The following FAM227A variants were observed in gnomAD, a reference collection of about 807,000 sequenced individuals.
The protein encoded by FAM227A is family with sequence similarity 227 member A.
Under a neutral mutation model 74.7 loss-of-function variants are expected in FAM227A, and 80 were observed. The ratio of observed to expected loss-of-function variants is 1.07; its 90% CI spans 0.89 to 1.29. The LOEUF is 1.29. FAM227A is among the 50% of genes most tolerant of loss of function. The probability of loss-of-function intolerance (pLI) is 0.00; values close to 1 mark genes in which losing one functional copy is unlikely to be tolerated. For missense variants in FAM227A, 654 were observed against 683.4 expected (o/e 0.96, Z 0.48); for synonymous variants, 237 against 241.8 (o/e 0.98, Z 0.19).
At chr22:38,619,837 G>T (rs1436870781) in intron 11 of FAM227A, among the ~76,000 whole-genome samples, 2 of 152,092 alleles carry the variant, frequency 1.3e-5, no homozygotes. Context: ...TACATCAGAA[G>T]GAACATCAAT....
intron 16 of FAM227A, among the ~76,000 whole-genome samples, chr22:38,589,512 T>G (rs1174693900): frequency 1.3e-5 from 2 of 151,932 alleles, no homozygotes; most frequent in African/African-American, 4.8e-5. Flanking sequence ...ACAAGCAAAA[T>G]TCTCAGAATT....
rs1244171393 is a variant in FAM227A at position 38,580,391 on chromosome 22, C to T, written c.*5734G>A. On this transcript the variant is annotated 3_prime_UTR_variant, in exon 17 of 17. Coordinates refer to ENST00000535113, the MANE Select transcript of FAM227A (RefSeq NM_001013647.2). ...TACCATTTGCCATGATGTCCCCATC[C>T]TCTGTATTTCCTGTTATGGTGGTTG... The T allele has an allele frequency of 6.6e-6, 1 of 152,164 alleles. No individual in the cohort carries two copies. Among genetic ancestry groups the T allele is most frequent in the Non-Finnish European group, 1.5e-5 (1 of 68,024 alleles). The allele number at this position is 152,164 out of a possible 1,614,324, so 9.4% of individuals were successfully genotyped here.
At chr22:38,649,952 C>G (rs1359918298) in intron 2 of FAM227A, 75 bp downstream of exon 2, 1 of 1,353,758 alleles carries the variant, frequency 7.4e-7, no homozygotes, top group African/African-American at 1.4e-5. Context: ...GACCTGAGCA[C>G]TGATTAGATC....
chr22:38,631,636 C>T (rs536714287), intron 6 of FAM227A, among the ~76,000 whole-genome samples: 2 of 152,228 alleles, frequency 1.3e-5, no homozygotes, highest in South Asian at 4.2e-4. Flanking sequence ...GCACTTGACA[C>T]ATGTGGGGTA....
At chr22:38,586,438 C>T (rs755351835) in intron 16 of FAM227A, among the ~76,000 whole-genome samples, 13 of 152,016 alleles carry the variant, frequency 8.6e-5, no homozygotes, top group African/African-American at 2.4e-4. Context: ...ACTGCTGTGT[C>T]GGATCTGAAC....
intron 13 of FAM227A, among the ~76,000 whole-genome samples, chr22:38,604,280 C>T (rs751997794): frequency 4.6e-5 from 7 of 151,988 alleles, no homozygotes; most frequent in Non-Finnish European, 1.0e-4. Context: ...TGAGCTGAGA[C>T]GGCACCACTG....
rs527355096 is a variant in FAM227A at position 38,646,683 on chromosome 22, C to G, written c.143-1038G>C. ...TTTTTTTTTTTGAGATGGAGTCTCA[C>G]TCGCCCGGCCACTCTTCCATTCATT... On this transcript the variant is annotated intron_variant, in intron 2 of 16. Transcript: ENST00000535113. Among the ~76,000 whole-genome samples, 9 of 151,546 alleles carry G rather than the reference C, an allele frequency of 5.9e-5. No homozygotes were observed. The East Asian group carries it at 7.8e-4, about 13-fold the overall frequency.
In FAM227A at chr22:38,650,192, A is replaced by G. The variant is rs1315713436; in HGVS notation, c.-24T>C. Reference sequence around the variant, plus strand: ...ATTGTCCAATTTCTTGTAAATGGACAAACAAAAAGCTTCCACTTTTAAGAG... The same window carrying G: ...ATTGTCCAATTTCTTGTAAATGGACGAACAAAAAGCTTCCACTTTTAAGAG... On this transcript the variant is annotated 5_prime_UTR_variant, in exon 2 of 17. Transcript: ENST00000535113. 1.3e-6 allele frequency: 2 copies of G among 1,550,116 alleles called. No individual in the cohort carries two copies. The highest frequency in any genetic ancestry group is 2.0e-5 in the Admixed American group (1 of 50,694).
intron 11 of FAM227A, among the ~76,000 whole-genome samples, chr22:38,613,097 ATATATAATTATATATAT>A (rs1161821460): frequency 3.2e-5 from 3 of 93,966 alleles, no homozygotes; most frequent in African/African-American, 1.4e-4. Context: ...TATATATATT[ATATATAATTATATATAT>A]ATTATATATA....
intron 1 of FAM227A, among the ~76,000 whole-genome samples, 149 bp downstream of exon 1, chr22:38,655,951 AGGAGATCTGGAGTTGATTCT>A (rs1245892444): frequency 2.0e-5 from 3 of 152,212 alleles, no homozygotes; most frequent in African/African-American, 7.2e-5. Context: ...TTAGGACTCT[AGGAGATCTGGAGTTGATTCT>A]CCAGTAGTTC....
intron 3 of FAM227A, among the ~76,000 whole-genome samples, chr22:38,641,533 A>G (rs553613093): frequency 5.1e-4 from 75 of 146,872 alleles, no homozygotes; most frequent in Non-Finnish European, 9.1e-4. Flanking sequence ...CCTGGGCGAC[A>G]AGAGTGAAAC....
At chr22:38,611,753 A>G (rs2091418785) in intron 11 of FAM227A, among the ~76,000 whole-genome samples, 1 of 151,998 alleles carries the variant, frequency 6.6e-6, no homozygotes, top group Non-Finnish European at 1.5e-5. Flanking sequence ...TAGTTCCCAT[A>G]TTTTGGCTTG....
intron 11 of FAM227A, among the ~76,000 whole-genome samples, chr22:38,613,220 T>C (rs1306459703): frequency 6.9e-5 from 4 of 57,828 alleles, no homozygotes; most frequent in South Asian, 4.3e-4. Context: ...ATCTATGCTG[T>C]ATATATATTA....
At position 38,613,091 on chromosome 22, in the gene FAM227A, TATA is replaced by T. The variant is rs1370523563; in HGVS notation, c.1039-5618_1039-5616del. On this transcript the variant is annotated intron_variant, in intron 11 of 16. Transcript: ENST00000535113. ...AATATATTATATATAATTATATATA[TATA>T]TTATATATAATTATATATATATTAT... Among the ~76,000 whole-genome samples, 111 of 96,798 alleles carry T rather than the reference TATA, an allele frequency of 1.1e-3. 1 individual carries two copies. Among genetic ancestry groups the T allele is most frequent in the African/African-American group, 4.8e-3 (109 of 22,638 alleles). 63.5% of individuals were successfully genotyped at this position (96,798 alleles called of 152,430 possible). A position where few individuals can be genotyped will look rare whatever the true frequency, so the allele number is the denominator to read the frequency against.
intron 9 of FAM227A, among the ~76,000 whole-genome samples, chr22:38,624,829 T>C (rs536678146): frequency 6.6e-6 from 1 of 152,264 alleles, no homozygotes; most frequent in South Asian, 2.1e-4. Flanking sequence ...ACTCTACCTT[T>C]TTCCCTTATA....
intron 3 of FAM227A, among the ~76,000 whole-genome samples, chr22:38,642,022 AT>A (rs780820101): frequency 6.6e-6 from 1 of 151,918 alleles, no homozygotes; most frequent in Non-Finnish European, 1.5e-5. Context: ...AAGGGTTTGT[AT>A]TTTTTCCCAA....
intron 11 of FAM227A, among the ~76,000 whole-genome samples, chr22:38,613,360 TATC>T (rs1392124559): frequency 4.0e-5 from 3 of 74,196 alleles, no homozygotes; most frequent in Admixed American, 2.1e-4. Context: ...ATATAATATA[TATC>T]ATATATAATA....
At chr22:38,631,318 T>A (rs760523885) in intron 6 of FAM227A, among the ~76,000 whole-genome samples, 21 of 151,972 alleles carry the variant, frequency 1.4e-4, no homozygotes, top group Non-Finnish European at 2.6e-4. Flanking sequence ...TTCTCACTTA[T>A]AAGTGGGAGC....
chr22:38,583,950 C>T lies in FAM227A; in HGVS notation c.*2175G>A, dbSNP rs1483756214. 1.3e-5 allele frequency: 2 copies of T among 152,388 alleles called. 1 individual carries two copies. The highest frequency in any genetic ancestry group is 4.1e-4 in the South Asian group (2 of 4,822). 9.4% of individuals were successfully genotyped at this position (152,388 alleles called of 1,614,324 possible). On this transcript the variant is annotated 3_prime_UTR_variant, in exon 17 of 17. Coordinates refer to ENST00000535113, the MANE Select transcript of FAM227A (RefSeq NM_001013647.2). ...CTGTGACAGGTGAACTGTTCTAGCA[C>T]AGACCAGGTCACTGCCTTGTGCCTT...
Sources: allele counts gnomAD v4.1 joint callset (sites outside exome capture counted in the v4.1 genomes callset), GRCh38; gene constraint gnomAD v4.1.1; transcripts MANE v1.5; gene names NCBI Gene and HGNC (gene_info 2026-07-23, HGNC 2026-07-21).